DENND1A: variants seen among roughly 807,000 people sequenced by gnomAD.
The protein encoded by DENND1A is DENN domain containing 1A, also known as DENN domain-containing protein 1A.
DENND1A carries 51 observed loss-of-function variants against 113.7 expected under a neutral mutation model. That is an observed-to-expected ratio of 0.45 (90% CI 0.36 to 0.57). DENND1A has a LOEUF of 0.57. Ranked by LOEUF, DENND1A falls within the 20% of genes least tolerant of loss-of-function variation. The pLI, the probability that DENND1A is intolerant of heterozygous loss-of-function variation, is 0.00. For synonymous variants in DENND1A, 565 were observed against 570.8 expected (o/e 0.99, Z 0.14); for missense variants, 1,258 against 1,395.9 (o/e 0.90, Z 1.57).
chr9:123,616,262 C>T (rs748172070), intron 10 of DENND1A, among the ~76,000 whole-genome samples: 3 of 152,186 alleles, frequency 2.0e-5, no homozygotes, highest in Non-Finnish European at 4.4e-5. Flanking sequence ...TTCTCAAAAA[C>T]GTGCCTATGG....
intron 2 of DENND1A, among the ~76,000 whole-genome samples, chr9:123,841,897 G>A (rs904019941): frequency 7.2e-5 from 11 of 152,286 alleles, no homozygotes; most frequent in African/African-American, 2.6e-4. Flanking sequence ...TTTTAAATGT[G>A]CTGCTCAGTG....
chr9:123,626,119 C>T (rs1344984566), intron 10 of DENND1A, among the ~76,000 whole-genome samples: 2 of 152,064 alleles, frequency 1.3e-5, no homozygotes, highest in African/African-American at 4.8e-5. Flanking sequence ...TCTCAAACTC[C>T]TAGGCTCAAG....
At chr9:123,407,428 C>T (rs1409461211) in intron 20 of DENND1A, among the ~76,000 whole-genome samples, 1 of 152,100 alleles carries the variant, frequency 6.6e-6, no homozygotes, top group African/African-American at 2.4e-5. Flanking sequence ...GGTGAAGGCA[C>T]ACGTATGACT....
At chr9:123,799,747 T>C (rs1834334225) in intron 2 of DENND1A, among the ~76,000 whole-genome samples, 1 of 152,186 alleles carries the variant, frequency 6.6e-6, no homozygotes, top group African/African-American at 2.4e-5. Flanking sequence ...TGGAGTGTAA[T>C]AGAATTAATA....
At chr9:123,750,825 T>A (rs1333456060) in intron 5 of DENND1A, among the ~76,000 whole-genome samples, 1 of 152,174 alleles carries the variant, frequency 6.6e-6, no homozygotes, top group African/African-American at 2.4e-5. Flanking sequence ...CCCTCAAACA[T>A]CAGGCTGTGC....
At chr9:123,628,510 G>A (rs1170296792) in intron 10 of DENND1A, among the ~76,000 whole-genome samples, 1 of 152,100 alleles carries the variant, frequency 6.6e-6, no homozygotes, top group African/African-American at 2.4e-5. Flanking sequence ...GGGTACAGGG[G>A]AGGGGTCTGG....
At chr9:123,897,278 T>C (rs746166305) in intron 1 of DENND1A, among the ~76,000 whole-genome samples, 69 of 152,316 alleles carry the variant, frequency 4.5e-4, no homozygotes, top group South Asian at 1.5e-3. Context: ...TCCTCCATTA[T>C]CACTCAGCAT....
chr9:123,849,984 T>C (rs1305858830), intron 2 of DENND1A, among the ~76,000 whole-genome samples: 4 of 152,238 alleles, frequency 2.6e-5, no homozygotes, highest in African/African-American at 9.6e-5. Flanking sequence ...AGAAGTTGCT[T>C]CTTACAAATG....
chr9:123,905,351 T>C (rs1021943397), intron 1 of DENND1A, among the ~76,000 whole-genome samples: 9 of 148,450 alleles, frequency 6.1e-5, no homozygotes, highest in Admixed American at 2.7e-4. Flanking sequence ...AATTCACATA[T>C]AACAATATTA....
intron 8 of DENND1A, among the ~76,000 whole-genome samples, chr9:123,659,982 C>G (rs2063147839): frequency 6.6e-6 from 1 of 152,172 alleles, no homozygotes; most frequent in Admixed American, 6.5e-5. Context: ...GGCTTTCCTG[C>G]TTCATTTTGT....
intron 5 of DENND1A, among the ~76,000 whole-genome samples, chr9:123,705,952 A>C (rs561082382): frequency 1.3e-5 from 2 of 152,282 alleles, no homozygotes; most frequent in East Asian, 3.9e-4. Flanking sequence ...GAACTGAGAA[A>C]ACAGTGTCAT....
At chr9:123,614,994 A>G (rs944744990) in intron 10 of DENND1A, among the ~76,000 whole-genome samples, 1 of 152,230 alleles carries the variant, frequency 6.6e-6, no homozygotes, top group Non-Finnish European at 1.5e-5. Context: ...GAGAGGTTAA[A>G]GGACAAGAGA....
At chr9:123,451,438 C>G (rs1036000512) in intron 17 of DENND1A, among the ~76,000 whole-genome samples, 7 of 152,148 alleles carry the variant, frequency 4.6e-5, no homozygotes, top group Admixed American at 1.3e-4. Context: ...GATGAAGCAC[C>G]GGGAACAGAT....
chr9:123,604,674 A>C (rs1186318966), intron 11 of DENND1A, among the ~76,000 whole-genome samples: 1 of 152,176 alleles, frequency 6.6e-6, no homozygotes, highest in African/African-American at 2.4e-5. Context: ...TTGGAAGTAC[A>C]TTTGTCAAAT....
At chr9:123,807,181 G>A (rs1835730617) in intron 2 of DENND1A, among the ~76,000 whole-genome samples, 1 of 152,134 alleles carries the variant, frequency 6.6e-6, no homozygotes, top group Non-Finnish European at 1.5e-5. Context: ...ATCTAGCCAT[G>A]AGTGAGTTGT....
intron 18 of DENND1A, among the ~76,000 whole-genome samples, chr9:123,443,715 G>A (rs548051830): frequency 4.9e-4 from 75 of 152,366 alleles, no homozygotes; most frequent in Middle Eastern, 3.4e-3. Flanking sequence ...AGCACTTTAG[G>A]GGGTCGAGGT....
At chr9:123,909,466 A>G (rs1041621887) in intron 1 of DENND1A, among the ~76,000 whole-genome samples, 15 of 151,846 alleles carry the variant, frequency 9.9e-5, no homozygotes, top group African/African-American at 3.6e-4. Flanking sequence ...GAGATGCAGA[A>G]AAGGCATTTG....
At chr9:123,384,939 C>A (rs909149371) in intron 22 of DENND1A, among the ~76,000 whole-genome samples, 1 of 152,196 alleles carries the variant, frequency 6.6e-6, no homozygotes, top group South Asian at 2.1e-4. Flanking sequence ...CAGAGCGAGA[C>A]CCTGTCTCAA....
intron 12 of DENND1A, among the ~76,000 whole-genome samples, chr9:123,581,058 G>C (rs1346508807): frequency 6.6e-6 from 1 of 151,866 alleles, no homozygotes; most frequent in African/African-American, 2.4e-5. Flanking sequence ...CATCCTAAAC[G>C]CAGAAGACAC....
Sources: allele counts gnomAD v4.1 joint callset (sites outside exome capture counted in the v4.1 genomes callset), GRCh38; gene constraint gnomAD v4.1.1; transcripts MANE v1.5; gene names NCBI Gene and HGNC (gene_info 2026-07-23, HGNC 2026-07-21).